NPHP1: variants seen among roughly 807,000 people sequenced by gnomAD.
NPHP1 encodes nephrocystin 1.
A neutral mutation model predicts 90.4 loss-of-function variants in NPHP1; 70 were observed. The ratio of observed to expected loss-of-function variants is 0.77; its 90% CI spans 0.64 to 0.95. The LOEUF (loss-of-function observed/expected upper bound fraction) is 0.95. Ranked by LOEUF, NPHP1 falls within the 40% of genes least tolerant of loss-of-function variation. NPHP1 has a pLI of 0.00. For missense variants in NPHP1, 764 were observed against 795.9 expected (o/e 0.96, Z 0.48); for synonymous variants, 256 against 271.7 (o/e 0.94, Z 0.57).
intron 16 of NPHP1, among the ~76,000 whole-genome samples, chr2:110,140,568 A>C (rs1680546444): frequency 1.3e-5 from 2 of 152,122 alleles, no homozygotes; most frequent in Admixed American, 1.3e-4. Context: ...AACACTATTA[A>C]GAGCTGTACT....
rs545997395 is a variant in NPHP1 at position 110,164,112 on chromosome 2, C to CTACA, written c.771+572_771+575dup. ...AGTGCAGTGGCACAATCACAGCTCA[C>CTACA]TACAGCCTTGACTTCCCAAACTCAT... On this transcript the variant is annotated intron_variant, in intron 8 of 19. Coordinates refer to ENST00000445609, the MANE Select transcript of NPHP1 (RefSeq NM_001128178.3). 6 of 252,826 alleles carry CTACA rather than the reference C, an allele frequency of 2.4e-5. No homozygotes were observed. The South Asian group carries it at 3.0e-4, about 13-fold the overall frequency. 15.7% of individuals were successfully genotyped at this position (252,826 alleles called of 1,614,324 possible). A position where few individuals can be genotyped will look rare whatever the true frequency, so the allele number is the denominator to read the frequency against.
At chr2:110,166,048 G>A (rs1383770920) in intron 6 of NPHP1, among the ~76,000 whole-genome samples, 1 of 152,152 alleles carries the variant, frequency 6.6e-6, no homozygotes, top group African/African-American at 2.4e-5. Flanking sequence ...AACCACTAAT[G>A]ACACTTTTTT....
intron 16 of NPHP1, among the ~76,000 whole-genome samples, chr2:110,139,434 A>G (rs1023703816): frequency 6.6e-6 from 1 of 152,176 alleles, no homozygotes; most frequent in Non-Finnish European, 1.5e-5. Flanking sequence ...TCTTTTTCTT[A>G]TGTTGACAAG....
rs147090619 is a variant in NPHP1 at position 110,129,209 on chromosome 2, G to T, written c.1693C>A (p.Pro565Thr). ...LATFPMLLEQPDVMDALRSSW... is the reference protein window; with the variant it reads ...LATFPMLLEQTDVMDALRSSW... The stretch of plus-strand genomic sequence containing the variant: ...ACCCTGAGAGCATCCATCACATCAG[G>T]CTGCTCCAAGAGCATGGGGAAGGTG... The change falls in exon 18 of 20, where the codon CCT becomes ACT. Residue 565 changes from proline to threonine, a missense_variant. By Grantham distance (38) the Pro-to-Thr change is conservative. Transcript: ENST00000445609. 101 of 1,613,388 alleles carry T rather than the reference G, an allele frequency of 6.3e-5. No homozygotes were observed. The East Asian group carries it at 2.2e-3, about 35-fold the overall frequency.
intron 9 of NPHP1, among the ~76,000 whole-genome samples, chr2:110,162,062 G>A (rs962039270): frequency 6.6e-6 from 1 of 151,998 alleles, no homozygotes; most frequent in Non-Finnish European, 1.5e-5. Context: ...TAACACAAAA[G>A]CATTTTATGC....
chr2:110,184,926 A>G, intron 2 of NPHP1: 1 of 682,160 alleles, frequency 1.5e-6, no homozygotes, highest in Non-Finnish European at 2.8e-6. Flanking sequence ...TTCGCCATCC[A>G]GAAGTCAGAC....
rs1681990504 is a variant in NPHP1, at chr2:110,157,448, ACC to A, written c.1083+2677_1083+2678del. On this transcript the variant is annotated intron_variant, in intron 11 of 19. Coordinates refer to ENST00000445609, the MANE Select transcript of NPHP1 (RefSeq NM_001128178.3). ...CGTCATAACATAAGTTCATTTCTTT[ACC>A]CCAAGTTCAGATGAAATAAAGGCAT... 3.9e-5 allele frequency among the ~76,000 whole-genome samples: 6 copies of A among 152,030 alleles called. No homozygotes were observed. In the South Asian group the frequency reaches 1.2e-3, roughly 32 times the overall value.
chr2:110,125,209 T>C (rs1275252026), intron 19 of NPHP1: 1 of 1,534,692 alleles, frequency 6.5e-7, no homozygotes, highest in African/African-American at 1.4e-5. Context: ...AAGTTCGGAT[T>C]GGTAATTACC....
rs575972894 is a variant in NPHP1 at position 110,124,492 on chromosome 2, C to A, written c.1762-429G>T. On this transcript the variant is annotated intron_variant, in intron 19 of 19. Coordinates refer to ENST00000445609, the MANE Select transcript of NPHP1 (RefSeq NM_001128178.3). ...ATCTAAGATAATTGTAGCAGGTGTT[C>A]TGCATAGGATCCAGAGTTGTTGGCT... 138 of 272,180 alleles carry A rather than the reference C, an allele frequency of 5.1e-4. 1 individual carries two copies. The South Asian group carries it at 6.2e-3, about 12-fold the overall frequency. 16.9% of individuals were successfully genotyped at this position (272,180 alleles called of 1,614,324 possible).
intron 18 of NPHP1, 162 bp downstream of exon 18, chr2:110,129,024 C>T (rs1473254236): frequency 2.3e-5 from 15 of 654,106 alleles, no homozygotes; most frequent in South Asian, 1.1e-4. Flanking sequence ...GGAATTTATG[C>T]TAAGATGGGA....
At chr2:110,124,385 G>A (rs1679205555) in intron 19 of NPHP1, 1 of 414,554 alleles carries the variant, frequency 2.4e-6, no homozygotes, top group Admixed American at 3.5e-5. Context: ...ACACCAGTGT[G>A]GTTAGGGGTA....
Position 110,150,167 on chromosome 2 carries a change from C to T in NPHP1, c.1158+15G>A. On this transcript the variant is annotated intron_variant, in intron 12 of 19. Transcript: ENST00000445609. ...TTGAAATTCACTCACTCCACTCATT[C>T]AGCAGATTACTTACCTGGGGAGAAA... 6 of 1,599,006 alleles carry T rather than the reference C, an allele frequency of 3.8e-6. No individual in the cohort carries two copies. The highest frequency in any genetic ancestry group is 5.1e-6 in the Non-Finnish European group (6 of 1,166,182).
At chr2:110,194,931 G>C (rs552238402) in intron 2 of NPHP1, among the ~76,000 whole-genome samples, 8 of 151,990 alleles carry the variant, frequency 5.3e-5, no homozygotes, top group Admixed American at 4.6e-4. Context: ...AATAGATGCA[G>C]AAAAGGCCTT....
intron 18 of NPHP1, chr2:110,127,551 T>G (rs901818163): frequency 6.6e-6 from 1 of 152,146 alleles, no homozygotes; most frequent in Admixed American, 6.5e-5. Context: ...CACAGGCAGG[T>G]ATATAAATGT....
chr2:110,131,822 G>T (rs1388687130), intron 16 of NPHP1, 31 bp from the exon 17 acceptor site: 5 of 1,290,010 alleles, frequency 3.9e-6, no homozygotes, highest in African/African-American at 2.9e-5. Context: ...GTATTCATTA[G>T]ACAATCCCCT....
chr2:110,164,187 C>G lies in NPHP1; in HGVS notation c.771+501G>C, dbSNP rs530156143. 1.2e-3 allele frequency: 395 copies of G among 339,340 alleles called. 3 individuals are homozygous for G. The highest frequency in any genetic ancestry group is 1.9e-3 in the Middle Eastern group (2 of 1,046). The allele number at this position is 339,340 out of a possible 1,614,324, so 21.0% of individuals were successfully genotyped here. ...GAGTAGCTGGGACTACAGGCATGAG[C>G]CACCACACCTGGCTAATTTTTCTTA... On this transcript the variant is annotated intron_variant, in intron 8 of 19. Transcript: ENST00000445609.
At chr2:110,125,373 C>G in intron 19 of NPHP1, 1 of 1,490,378 alleles carries the variant, frequency 6.7e-7, no homozygotes, top group Non-Finnish European at 8.9e-7. Flanking sequence ...AACTGAGAGA[C>G]TTTGGCTTAG....
chr2:110,136,028 C>T (rs1281771740), intron 16 of NPHP1, among the ~76,000 whole-genome samples: 1 of 152,104 alleles, frequency 6.6e-6, no homozygotes, highest in Non-Finnish European at 1.5e-5. Context: ...ATATGCAAAT[C>T]AATAAATGTA....
rs1490045025 is a variant in NPHP1 at position 110,160,134 on chromosome 2, C to A, written c.1076G>T (p.Gly359Val). The A allele has an allele frequency of 6.2e-7, 1 of 1,613,008 alleles. No homozygotes were observed. Among genetic ancestry groups the A allele is most frequent in the Non-Finnish European group, 8.5e-7 (1 of 1,179,182 alleles). Residue 359 changes from glycine to valine, a missense_variant, in exon 11 of 20, where the codon GGT becomes GTT. Physicochemically the swap from Gly to Val is moderately radical, Grantham distance 109. Transcript: ENST00000445609. ...ACTTCTCAGTAACCTTACCTTATTA[C>A]CATCAAATAGACAGAGGCGTACATG... is the stretch of plus-strand genomic sequence containing the variant. ...SRHVRLCLFDGNKVLSNIHTV... is the reference protein window; with the variant it reads ...SRHVRLCLFDVNKVLSNIHTV...
Sources: gnomAD v4.1 joint callset for allele counts (sites outside exome capture counted in the v4.1 genomes callset) on GRCh38, gnomAD v4.1.1 for gene constraint, MANE v1.5 for transcripts, NCBI Gene and HGNC (gene_info 2026-07-23, HGNC 2026-07-21) for gene names.